Variants in DCDC2C observed in about 807,000 individuals in gnomAD.
DCDC2C encodes the protein doublecortin domain-containing protein 2C.
Under a neutral mutation model 45.0 loss-of-function variants are expected in DCDC2C, and 44 were observed. The ratio of observed to expected loss-of-function variants is 0.98; its 90% CI spans 0.77 to 1.26. The LOEUF is 1.26. Ranked by LOEUF, DCDC2C falls within the 50% of genes most tolerant of loss-of-function variation. The pLI is 0.00. For missense variants in DCDC2C, 447 were observed against 468.9 expected, an observed-to-expected ratio of 0.95 and a Z score of 0.43; for synonymous variants, 187 against 178.8, an observed-to-expected ratio of 1.05 and a Z score of -0.37.
rs557864540 is a variant in DCDC2C at position 3,776,539 on chromosome 2, G to A, written c.955-2277G>A. Among the ~76,000 whole-genome samples, 74 of 152,280 alleles carry A rather than the reference G, an allele frequency of 4.9e-4. 1 individual carries two copies. Among genetic ancestry groups the A allele is most frequent in the Non-Finnish European group, 6.8e-4 (46 of 68,022 alleles). ...TGTCTTCCTTTGGCAAGAGAATCTC[G>A]TCAAATGAGACTCCTGACTTCCCTT... is the stretch of plus-strand genomic sequence containing the variant. On this transcript the variant is annotated intron_variant, in intron 8 of 10. Transcript: ENST00000399143.
intron 10 of DCDC2C, among the ~76,000 whole-genome samples, chr2:3,835,763 A>G (rs1448036514): frequency 2.7e-5 from 4 of 150,818 alleles, no homozygotes; most frequent in African/African-American, 7.3e-5. Flanking sequence ...TTTTTTTTCG[A>G]GACAGCATCT....
chr2:3,791,118 G>A (rs1670799288), intron 10 of DCDC2C, among the ~76,000 whole-genome samples: 1 of 149,488 alleles, frequency 6.7e-6, no homozygotes, highest in Admixed American at 6.7e-5. Flanking sequence ...CAAAAAAAAA[G>A]AAAATTTTGT....
intron 4 of DCDC2C, among the ~76,000 whole-genome samples, chr2:3,744,972 G>T (rs1669318489): frequency 6.6e-6 from 1 of 151,836 alleles, no homozygotes; most frequent in Admixed American, 6.5e-5. Flanking sequence ...AATGATAGTG[G>T]AAGAAATCTA....
chr2:3,783,999 T>C (rs545597775), intron 9 of DCDC2C, among the ~76,000 whole-genome samples: 2 of 151,812 alleles, frequency 1.3e-5, no homozygotes, highest in Non-Finnish European at 2.9e-5. Flanking sequence ...CAAAGCCCAA[T>C]AAAAAGAAAG....
At chr2:3,762,362 T>TG (rs1669901985) in intron 6 of DCDC2C, among the ~76,000 whole-genome samples, 1 of 152,108 alleles carries the variant, frequency 6.6e-6, no homozygotes, top group Non-Finnish European at 1.5e-5. Context: ...GAGGGGGTAC[T>TG]GGGGGAAGGA....
At chr2:3,833,716 A>G (rs1036980594) in intron 10 of DCDC2C, among the ~76,000 whole-genome samples, 1 of 152,262 alleles carries the variant, frequency 6.6e-6, no homozygotes. Context: ...GGTCTAGCTT[A>G]CTTAAATACT....
chr2:3,765,071 A>G (rs955349922), intron 6 of DCDC2C, among the ~76,000 whole-genome samples: 5 of 152,252 alleles, frequency 3.3e-5, no homozygotes, highest in African/African-American at 1.2e-4. Context: ...GCAAAGGTGC[A>G]TGATGTAAGA....
chr2:3,784,267 A>AAAT (rs1670590522), intron 9 of DCDC2C, among the ~76,000 whole-genome samples: 1 of 152,200 alleles, frequency 6.6e-6, no homozygotes, highest in African/African-American at 2.4e-5. Context: ...ACTTCTTATT[A>AAAT]GGGTCATGTA....
rs79066711 is a variant in DCDC2C, at chr2:3,838,900, TATATC to T, written c.1066-8252_1066-8248del. On this transcript the variant is annotated intron_variant, in intron 10 of 10. Transcript: ENST00000399143. ...TGCTAGACTTATTTAGGTTGCAACT[TATATC>T]AAATGGTGGGTTTATGATTTATATT... is the stretch of plus-strand genomic sequence containing the variant. Among the ~76,000 whole-genome samples, 31 of 152,376 alleles carry T rather than the reference TATATC, an allele frequency of 2.0e-4. No homozygotes were observed. In the East Asian group the frequency reaches 5.6e-3, roughly 27 times the overall value.
At chr2:3,770,465 C>G (rs1670133556) in intron 8 of DCDC2C, among the ~76,000 whole-genome samples, 1 of 152,162 alleles carries the variant, frequency 6.6e-6, no homozygotes, top group Non-Finnish European at 1.5e-5. Context: ...TTTTGAGCAC[C>G]TTTCCTATGA....
intron 8 of DCDC2C, among the ~76,000 whole-genome samples, chr2:3,769,657 T>C (rs1670112097): frequency 6.6e-6 from 1 of 152,208 alleles, no homozygotes. Context: ...ACTGCAAATT[T>C]GGCTTCATCA....
chr2:3,708,751 T>C lies in DCDC2C; in HGVS notation c.339+151T>C, dbSNP rs143866561. Among the ~76,000 whole-genome samples, 372 of 152,342 alleles carry C rather than the reference T, an allele frequency of 2.4e-3. 1 individual carries two copies. Among genetic ancestry groups the C allele is most frequent in the African/African-American group, 8.3e-3 (344 of 41,576 alleles). On this transcript the variant is annotated intron_variant, in intron 2 of 10. Transcript: ENST00000399143. ...TGAAGCCAGAACACACTGTGCAAGC[T>C]TGTCATACTTGTCAAAGCACTGAAG...
chr2:3,739,469 C>T (rs967681556), intron 3 of DCDC2C, among the ~76,000 whole-genome samples: 1 of 152,142 alleles, frequency 6.6e-6, no homozygotes, highest in Admixed American at 6.5e-5. Context: ...GGCTGGACGT[C>T]GGGAGGAGCA....
Position 3,802,937 on chromosome 2 carries a change from A to G in DCDC2C, c.1065+17837A>G, listed in dbSNP as rs114013261. Among the ~76,000 whole-genome samples, 1,183 of 152,292 alleles carry G rather than the reference A, an allele frequency of 7.8e-3. 13 individuals carry two copies. Among genetic ancestry groups the G allele is most frequent in the African/African-American group, 0.027 (1,136 of 41,536 alleles). ...CTACTCACCAGTCAGCAGAGGCATCATCCACTTTGAAAAGCTGTTCCTGGC... is the reference window on the plus strand; with the variant it reads ...CTACTCACCAGTCAGCAGAGGCATCGTCCACTTTGAAAAGCTGTTCCTGGC... On this transcript the variant is annotated intron_variant, in intron 10 of 10. Transcript: ENST00000399143.
chr2:3,771,863 G>A (rs1173731590), intron 8 of DCDC2C, among the ~76,000 whole-genome samples: 1 of 152,238 alleles, frequency 6.6e-6, no homozygotes, highest in Non-Finnish European at 1.5e-5. Context: ...ATGGACACAG[G>A]GAAGGTGCGT....
intron 10 of DCDC2C, among the ~76,000 whole-genome samples, chr2:3,802,281 G>T (rs75320083): frequency 6.6e-6 from 1 of 152,182 alleles, no homozygotes; most frequent in African/African-American, 2.4e-5. Context: ...TCTGAACTCT[G>T]GGGTGAAAGT....
intron 10 of DCDC2C, among the ~76,000 whole-genome samples, chr2:3,840,476 T>G (rs1672185976): frequency 6.6e-6 from 1 of 152,238 alleles, no homozygotes; most frequent in South Asian, 2.1e-4. Flanking sequence ...CCCTGTAATT[T>G]CAGAAGGTAC....
At chr2:3,766,661 C>T (rs1236113437) in intron 6 of DCDC2C, among the ~76,000 whole-genome samples, 2 of 152,120 alleles carry the variant, frequency 1.3e-5, no homozygotes, top group African/African-American at 2.4e-5. Flanking sequence ...AATATATTAA[C>T]GGTACAAGGC....
chr2:3,766,158 G>A (rs764048288), intron 6 of DCDC2C, among the ~76,000 whole-genome samples: 4 of 152,044 alleles, frequency 2.6e-5, no homozygotes, highest in Non-Finnish European at 4.4e-5. Flanking sequence ...CACACCGTGG[G>A]TGGTTCTCAT....
Sources: gnomAD v4.1 joint callset for allele counts (sites outside exome capture counted in the v4.1 genomes callset) on GRCh38, gnomAD v4.1.1 for gene constraint, MANE v1.5 for transcripts, NCBI Gene and HGNC (gene_info 2026-07-23, HGNC 2026-07-21) for gene names.